CACNB2: variants seen among roughly 807,000 people sequenced by gnomAD.
The protein encoded by CACNB2 is calcium voltage-gated channel auxiliary subunit beta 2, also known as voltage-dependent L-type calcium channel subunit beta-2.
Under a neutral mutation model 73.3 loss-of-function variants are expected in CACNB2, and 42 were observed. The observed-to-expected ratio is 0.57, with a 90% CI of 0.45 to 0.74. The LOEUF (loss-of-function observed/expected upper bound fraction) is 0.74. Among genes scored for constraint, CACNB2 ranks in the 30% least tolerant of loss-of-function variants. The pLI is 0.00. For synonymous variants in CACNB2, 348 were observed against 310.3 expected (o/e 1.12, Z -1.28); for missense variants, 940 against 853.0 (o/e 1.10, Z -1.27).
intron 2 of CACNB2, among the ~76,000 whole-genome samples, chr10:18,342,204 C>T (rs747115475): frequency 1.3e-5 from 2 of 152,082 alleles, no homozygotes; most frequent in Non-Finnish European, 2.9e-5. Context: ...CTGTGAATTA[C>T]GAAAACATGT....
chr10:18,304,527 T>C (rs1039999840), intron 2 of CACNB2, among the ~76,000 whole-genome samples: 13 of 152,134 alleles, frequency 8.5e-5, no homozygotes, highest in African/African-American at 2.9e-4. Flanking sequence ...CATTTTTTTT[T>C]CCCAATGTAA....
intron 2 of CACNB2, among the ~76,000 whole-genome samples, chr10:18,242,918 G>A (rs561505750): frequency 2.7e-5 from 4 of 150,820 alleles, no homozygotes; most frequent in South Asian, 2.1e-4. Flanking sequence ...GCTGAGTCAG[G>A]AGAATGGCAT....
chr10:18,157,449 A>G (rs2032141917), intron 2 of CACNB2, among the ~76,000 whole-genome samples: 1 of 152,254 alleles, frequency 6.6e-6, no homozygotes, highest in Non-Finnish European at 1.5e-5. Context: ...GTTTAGAACC[A>G]TACGTAATAT....
chr10:18,461,764 C>CTTTTTTT (rs35385599), intron 3 of CACNB2, among the ~76,000 whole-genome samples: 14 of 68,004 alleles, frequency 2.1e-4, no homozygotes, highest in African/African-American at 4.9e-4. Flanking sequence ...TTCGATAAAG[C>CTTTTTTT]TTTTTTTTTT....
intron 2 of CACNB2, among the ~76,000 whole-genome samples, chr10:18,385,008 G>A (rs570904064): frequency 3.3e-5 from 5 of 151,988 alleles, no homozygotes; most frequent in Admixed American, 2.0e-4. Flanking sequence ...GGCTGGGTGC[G>A]GTAGATCACG....
chr10:18,162,965 G>C (rs2032577376), intron 2 of CACNB2, among the ~76,000 whole-genome samples: 1 of 152,158 alleles, frequency 6.6e-6, no homozygotes, highest in African/African-American at 2.4e-5. Context: ...TGGAGAAATG[G>C]ATAGAAGAGA....
At chr10:18,421,411 C>T (rs1202031903) in intron 3 of CACNB2, among the ~76,000 whole-genome samples, 2 of 151,864 alleles carry the variant, frequency 1.3e-5, no homozygotes, top group Non-Finnish European at 2.9e-5. Context: ...GATTCTCTGG[C>T]CTCAGCCTCC....
intron 10 of CACNB2, chr10:18,533,208 TTA>T (rs1564664540): frequency 6.6e-6 from 1 of 152,220 alleles, no homozygotes; most frequent in Non-Finnish European, 1.5e-5. Context: ...GTACTATGCT[TTA>T]TAGACCTATG....
chr10:18,259,570 A>AAAAAAC (rs1554779378), intron 2 of CACNB2, among the ~76,000 whole-genome samples: 4 of 116,952 alleles, frequency 3.4e-5, no homozygotes, highest in African/African-American at 1.0e-4. Flanking sequence ...CAAACAAAAA[A>AAAAAAC]AAAAAGTAAA....
At chr10:18,265,992 A>G (rs2037780668) in intron 2 of CACNB2, among the ~76,000 whole-genome samples, 1 of 152,186 alleles carries the variant, frequency 6.6e-6, no homozygotes, top group South Asian at 2.1e-4. Context: ...CACACTTTCC[A>G]TAGTGTGTGA....
chr10:18,539,123 A>G, intron 13 of CACNB2, 107 bp from the exon 14 acceptor site: 1 of 1,423,802 alleles, frequency 7.0e-7, no homozygotes, highest in Non-Finnish European at 9.9e-7. Context: ...ACTTCATTTC[A>G]GCTTTTCGGA....
At chr10:18,161,539 T>C (rs780915263) in intron 2 of CACNB2, among the ~76,000 whole-genome samples, 1 of 151,962 alleles carries the variant, frequency 6.6e-6, no homozygotes, top group Non-Finnish European at 1.5e-5. Context: ...TTAGTCCTAT[T>C]CATGACCCCC....
At chr10:18,187,332 A>G (rs1306841068) in intron 2 of CACNB2, among the ~76,000 whole-genome samples, 1 of 152,250 alleles carries the variant, frequency 6.6e-6, no homozygotes, top group Admixed American at 6.5e-5. Flanking sequence ...GTGAGCATAC[A>G]TTAATCTGAA....
intron 2 of CACNB2, among the ~76,000 whole-genome samples, chr10:18,389,378 G>A (rs904729299): frequency 6.6e-6 from 1 of 152,238 alleles, no homozygotes; most frequent in South Asian, 2.1e-4. Flanking sequence ...GGCTCATGCA[G>A]TCCTCCCACC....
At chr10:18,260,144 G>A (rs965354219) in intron 2 of CACNB2, among the ~76,000 whole-genome samples, 6 of 152,248 alleles carry the variant, frequency 3.9e-5, no homozygotes, top group Non-Finnish European at 7.3e-5. Flanking sequence ...ATGAACAGCT[G>A]AATCTCCACA....
chr10:18,263,215 A>AT (rs1222531644), intron 2 of CACNB2, among the ~76,000 whole-genome samples: 3 of 152,158 alleles, frequency 2.0e-5, no homozygotes, highest in African/African-American at 7.2e-5. Flanking sequence ...ATCGAAACCT[A>AT]TTTTTTTCCT....
At chr10:18,523,648 AT>A (rs2052149594) in intron 9 of CACNB2, among the ~76,000 whole-genome samples, 2 of 152,322 alleles carry the variant, frequency 1.3e-5, no homozygotes, top group African/African-American at 4.8e-5. Context: ...CTGTGTACAA[AT>A]TTAACATTTT....
chr10:18,512,566 G>A (rs2050871437), intron 6 of CACNB2, among the ~76,000 whole-genome samples: 1 of 152,120 alleles, frequency 6.6e-6, no homozygotes, highest in African/African-American at 2.4e-5. Context: ...ACATTGTATT[G>A]TTGGTGCAAA....
At chr10:18,281,759 A>T (rs564596756) in intron 2 of CACNB2, among the ~76,000 whole-genome samples, 23 of 152,200 alleles carry the variant, frequency 1.5e-4, no homozygotes, top group African/African-American at 5.5e-4. Context: ...CAGGTGGATC[A>T]CCTGAGGTCA....
Sources: gnomAD v4.1 joint callset for allele counts (sites outside exome capture counted in the v4.1 genomes callset) on GRCh38, gnomAD v4.1.1 for gene constraint, MANE v1.5 for transcripts, NCBI Gene and HGNC (gene_info 2026-07-23, HGNC 2026-07-21) for gene names.